Variants in SGCD observed in about 807,000 individuals in gnomAD.
SGCD encodes delta-sarcoglycan.
Under a neutral mutation model 36.6 loss-of-function variants are expected in SGCD, and 18 were observed. The observed-to-expected ratio is 0.49, with a 90% CI of 0.34 to 0.73. The LOEUF is 0.73. Ranked by LOEUF, SGCD falls within the 30% of genes least tolerant of loss-of-function variation. The probability of loss-of-function intolerance (pLI) is 0.01; values close to 1 mark genes in which losing one functional copy is unlikely to be tolerated. For synonymous variants in SGCD, 133 were observed against 130.6 expected (o/e 1.02, Z -0.12); for missense variants, 387 against 346.7 (o/e 1.12, Z -0.92).
At chr5:156,071,418 A>G (rs1253014220) in intron 1 of SGCD, among the ~76,000 whole-genome samples, 2 of 152,174 alleles carry the variant, frequency 1.3e-5, no homozygotes, top group African/African-American at 4.8e-5. Flanking sequence ...CAGGTTGTTC[A>G]GTTTCCATGT....
chr5:156,741,321 G>A (rs759011568), intron 7 of SGCD, among the ~76,000 whole-genome samples: 1 of 152,152 alleles, frequency 6.6e-6, no homozygotes, highest in Admixed American at 6.5e-5. Context: ...AACTGATAAT[G>A]CCAACAGCTA....
chr5:156,044,646 C>G (rs978370442), intron 1 of SGCD, among the ~76,000 whole-genome samples: 1 of 152,086 alleles, frequency 6.6e-6, no homozygotes, highest in African/African-American at 2.4e-5. Context: ...GTATGAAGAT[C>G]AAAGCATTCT....
At chr5:156,417,501 T>G (rs928316401) in intron 3 of SGCD, among the ~76,000 whole-genome samples, 6 of 152,088 alleles carry the variant, frequency 3.9e-5, no homozygotes, top group Non-Finnish European at 7.4e-5. Flanking sequence ...ATAACAAAAT[T>G]CCAAGACTAG....
chr5:156,708,606 G>A (rs1463728402), intron 7 of SGCD, among the ~76,000 whole-genome samples: 1 of 152,186 alleles, frequency 6.6e-6, no homozygotes, highest in African/African-American at 2.4e-5. Context: ...CAGATGTATT[G>A]AGGAATAGAT....
upstream of SGCD, among the ~76,000 whole-genome samples, chr5:155,866,103 T>C (rs1184742103): frequency 6.6e-6 from 1 of 152,202 alleles, no homozygotes; most frequent in Non-Finnish European, 1.5e-5. Flanking sequence ...GTACTTTATG[T>C]ATACCACCCA....
At chr5:156,305,557 G>A (rs1027743397) in intron 3 of SGCD, among the ~76,000 whole-genome samples, 6 of 152,190 alleles carry the variant, frequency 3.9e-5, no homozygotes, top group Non-Finnish European at 7.4e-5. Flanking sequence ...TGTTAGGGCA[G>A]TGCAGAAGGG....
At chr5:156,135,919 A>G (rs1561534352) in intron 3 of SGCD, among the ~76,000 whole-genome samples, 1 of 152,114 alleles carries the variant, frequency 6.6e-6, no homozygotes, top group Non-Finnish European at 1.5e-5. Flanking sequence ...GTGTTGCCTT[A>G]TCTACAAATA....
rs76235295 is a variant in SGCD, at chr5:156,177,698, A to C, written c.-44+53679A>C. 1.1e-3 allele frequency among the ~76,000 whole-genome samples: 168 copies of C among 152,246 alleles called. 3 individuals carry two copies. The East Asian group carries it at 0.026, about 23-fold the overall frequency. ...TACAGAAAATTTTCATCACCCCCCA[A>C]AAGAGTCCTTAAGTCTTTTTGCAGT... is the stretch of plus-strand genomic sequence containing the variant. On this transcript the variant is annotated intron_variant, in intron 3 of 9. Coordinates refer to the SGCD transcript ENST00000517913.
At chr5:156,695,564 GATA>G (rs1754290970) in intron 7 of SGCD, among the ~76,000 whole-genome samples, 1 of 126,132 alleles carries the variant, frequency 7.9e-6, no homozygotes, top group Non-Finnish European at 1.8e-5. Flanking sequence ...TAGATAGATA[GATA>G]GATATCCTAC....
the SGCD span, among the ~76,000 whole-genome samples, chr5:155,728,526 G>A: frequency 4.6e-5 from 7 of 152,224 alleles, no homozygotes; most frequent in Non-Finnish European, 8.8e-5. Flanking sequence ...AAACAGCCCC[G>A]CTCTCTTGCG....
At chr5:156,680,951 G>A (rs995532931) in intron 7 of SGCD, among the ~76,000 whole-genome samples, 1 of 152,142 alleles carries the variant, frequency 6.6e-6, no homozygotes, top group African/African-American at 2.4e-5. Flanking sequence ...GTGCCAGCGA[G>A]TGAGTGCAGG....
At chr5:155,975,827 G>A (rs1268190637) in intron 1 of SGCD, among the ~76,000 whole-genome samples, 1 of 150,676 alleles carries the variant, frequency 6.6e-6, no homozygotes, top group Non-Finnish European at 1.5e-5. Flanking sequence ...ACGGGGTTTT[G>A]CCATGTTGCC....
chr5:155,962,043 C>A (rs1757801760), intron 1 of SGCD, among the ~76,000 whole-genome samples: 1 of 151,982 alleles, frequency 6.6e-6, no homozygotes, highest in Non-Finnish European at 1.5e-5. Flanking sequence ...TTAATCATTG[C>A]AACATCTAAT....
chr5:156,087,148 C>CT (rs1450048832), intron 1 of SGCD, among the ~76,000 whole-genome samples: 1 of 152,166 alleles, frequency 6.6e-6, no homozygotes, highest in Non-Finnish European at 1.5e-5. Context: ...TCACAAGTAA[C>CT]TTTTTCCACC....
chr5:156,069,134 C>A (rs1760446195), intron 1 of SGCD, among the ~76,000 whole-genome samples: 2 of 152,100 alleles, frequency 1.3e-5, no homozygotes, highest in African/African-American at 2.4e-5. Flanking sequence ...TTAATTAGAT[C>A]CCATTTGTCA....
At chr5:156,358,968 G>A (rs569316192) in intron 3 of SGCD, among the ~76,000 whole-genome samples, 65 of 152,064 alleles carry the variant, frequency 4.3e-4, no homozygotes, top group Admixed American at 9.2e-4. Flanking sequence ...CATTTGGTGA[G>A]GAGAATGCAC....
intron 7 of SGCD, among the ~76,000 whole-genome samples, chr5:156,751,707 A>G (rs1374643991): frequency 6.6e-6 from 1 of 152,258 alleles, no homozygotes; most frequent in Non-Finnish European, 1.5e-5. Context: ...GCTTAACTCC[A>G]TTAATAATTA....
chr5:156,268,463 C>T (rs1257738705), intron 3 of SGCD, among the ~76,000 whole-genome samples: 2 of 152,124 alleles, frequency 1.3e-5, no homozygotes, highest in East Asian at 3.9e-4. Flanking sequence ...TATAAGTGTT[C>T]CCTTTTCTCT....
the SGCD span, among the ~76,000 whole-genome samples, chr5:155,750,794 T>C: frequency 6.6e-6 from 1 of 151,908 alleles, no homozygotes; most frequent in South Asian, 2.1e-4. Flanking sequence ...CTCAAGTCTG[T>C]GTGTGTGTGT....
Sources: gnomAD v4.1 joint callset for allele counts (sites outside exome capture counted in the v4.1 genomes callset) on GRCh38, gnomAD v4.1.1 for gene constraint, MANE v1.5 for transcripts, NCBI Gene and HGNC (gene_info 2026-07-23, HGNC 2026-07-21) for gene names.